Variants in RUSC2 observed in about 807,000 individuals in gnomAD.
The protein encoded by RUSC2 is AP-4 complex accessory subunit RUSC2.
In RUSC2, 34 loss-of-function variants were observed where a neutral mutation model predicts 122.2. That is an observed-to-expected ratio of 0.28 (90% CI 0.21 to 0.37). The LOEUF is 0.37. RUSC2 is among the 10% of genes least tolerant of loss of function. The probability of loss-of-function intolerance (pLI) is 1.00; values close to 1 mark genes in which losing one functional copy is unlikely to be tolerated. For synonymous variants in RUSC2, 784 were observed against 790.0 expected, an observed-to-expected ratio of 0.99 and a Z score of 0.13; for missense variants, 1,747 against 1,952.4, an observed-to-expected ratio of 0.89 and a Z score of 1.98.
At position 35,548,501 on chromosome 9, in the gene RUSC2, C is replaced by G. The variant is rs1200766718; in HGVS notation, c.1980C>G (p.Ser660Arg). The G allele has an allele frequency of 6.2e-7, 1 of 1,613,272 alleles. No homozygotes were observed. The highest frequency in any genetic ancestry group is 8.5e-7 in the Non-Finnish European group (1 of 1,179,890). The change falls in exon 2 of 12, where the codon AGC becomes AGG. Residue 660 changes from serine to arginine, a missense_variant. Ser to Arg is a moderately radical substitution (Grantham distance 110). Transcript: ENST00000361226. This position sits in a 1 kb window ranked among gnomAD's most constrained non-coding sequence, Gnocchi z 4.5. ...CTCTCCCAGGGAGCCCAGCCAACAG[C>G]CATACCCAGAGGGATGCAAGAGCTA... Reference protein sequence around the residue: ...GPALPGSPANSHTQRDARARA... With the variant: ...GPALPGSPANRHTQRDARARA...
intron 1 of RUSC2, among the ~76,000 whole-genome samples, chr9:35,517,776 G>A (rs1821137548): frequency 6.6e-6 from 1 of 152,202 alleles, no homozygotes; most frequent in African/African-American, 2.4e-5. Flanking sequence ...CACAGGAGAA[G>A]GCCAGGGCGC....
chr9:35,491,979 A>G (rs1820576939), intron 1 of RUSC2, among the ~76,000 whole-genome samples: 1 of 152,062 alleles, frequency 6.6e-6, no homozygotes, highest in South Asian at 2.1e-4. Flanking sequence ...TCTCAAAATA[A>G]AGCCTTGGAT....
At chr9:35,502,715 A>T (rs1185819507) in intron 1 of RUSC2, among the ~76,000 whole-genome samples, 1 of 152,232 alleles carries the variant, frequency 6.6e-6, no homozygotes, top group East Asian at 1.9e-4. Context: ...TAGCAGTTGT[A>T]TAAGAAATCT....
At chr9:35,544,458 C>T (rs967211700) in intron 1 of RUSC2, among the ~76,000 whole-genome samples, 5 of 152,048 alleles carry the variant, frequency 3.3e-5, no homozygotes, top group Non-Finnish European at 7.4e-5. Flanking sequence ...CAGGCATGCA[C>T]TACCACGCCC....
In RUSC2 at chr9:35,556,368, C is replaced by T. The variant is rs138981588; in HGVS notation, c.2903C>T (p.Thr968Met). The change falls in exon 5 of 12, where the codon ACG becomes ATG. Residue 968 changes from threonine to methionine, a missense_variant. Coordinates refer to ENST00000361226, the MANE Select transcript of RUSC2 (RefSeq NM_014806.5). Reference sequence around the variant, plus strand: ...GACTTCCAGGACCCCTTTTCCTTGACGGAGAAGCCTCCAGCTGAGTTTTGT... The same window carrying T: ...GACTTCCAGGACCCCTTTTCCTTGATGGAGAAGCCTCCAGCTGAGTTTTGT... ...CPDFQDPFSL[T>M]EKPPAEFCLS... 992 of 1,614,228 alleles carry T rather than the reference C, an allele frequency of 6.1e-4. 5 individuals carry two copies. In the East Asian group the frequency reaches 0.016, roughly 26 times the overall value.
intron 1 of RUSC2, among the ~76,000 whole-genome samples, chr9:35,491,279 A>G (rs1480516551): frequency 2.6e-5 from 4 of 152,192 alleles, no homozygotes; most frequent in Non-Finnish European, 5.9e-5. Context: ...ATAAGGTAGA[A>G]AGTAGTTACC....
Position 35,558,553 on chromosome 9 carries a change from C to A in RUSC2, c.3327C>A (p.Ile1109=). 1 of 1,613,870 alleles carries A rather than the reference C, an allele frequency of 6.2e-7. No homozygotes were observed. The highest frequency in any genetic ancestry group is 8.5e-7 in the Non-Finnish European group (1 of 1,179,744). ...TSHTMRFNAF[I]LGLLNIRSLE... ...ATACCATGCGCTTCAACGCCTTCAT[C>A]CTCGGCCTGCTCAAGTGAGTGCACA... The change falls in exon 8 of 12, where the codon ATC becomes ATA. Residue 1109 remains isoleucine (I), a synonymous_variant. Coordinates refer to ENST00000361226, the MANE Select transcript of RUSC2 (RefSeq NM_014806.5). This position sits in a 1 kb window ranked among gnomAD's most constrained non-coding sequence, Gnocchi z 4.3.
chr9:35,507,547 A>G (rs1820936787), intron 1 of RUSC2: 1 of 202,522 alleles, frequency 4.9e-6, no homozygotes. Context: ...TTACCAGCTG[A>G]CAGCACTCCA....
intron 5 of RUSC2, 36 bp downstream of exon 5, chr9:35,556,484 C>A (rs761046367): frequency 3.0e-5 from 48 of 1,601,050 alleles, no homozygotes; most frequent in Non-Finnish European, 3.8e-5. Context: ...AGGGACTCTG[C>A]TGTCACTACC....
At chr9:35,495,083 T>TAC (rs1162559396) in intron 1 of RUSC2, among the ~76,000 whole-genome samples, 1 of 81,684 alleles carries the variant, frequency 1.2e-5, no homozygotes, top group Non-Finnish European at 2.1e-5. Flanking sequence ...ATATATAGTA[T>TAC]ATATTATATA....
chr9:35,534,164 A>G lies in RUSC2; in HGVS notation c.-92-12266A>G, dbSNP rs1191796030. On this transcript the variant is annotated intron_variant, in intron 1 of 11. Transcript: ENST00000361226. ...TATTTTAGCCATTCTAGTGGGGTCA[A>G]GTAGTATCTCACTTTAGTTTTGATT... Among the ~76,000 whole-genome samples, 6 of 152,182 alleles carry G rather than the reference A, an allele frequency of 3.9e-5. No individual in the cohort carries two copies. The East Asian group carries it at 9.6e-4, about 24-fold the overall frequency.
At chr9:35,508,907 GAA>G (rs1343351679) in intron 1 of RUSC2, among the ~76,000 whole-genome samples, 1 of 152,142 alleles carries the variant, frequency 6.6e-6, no homozygotes, top group Non-Finnish European at 1.5e-5. Context: ...TCTACAAATT[GAA>G]AGAGTCCACT....
intron 1 of RUSC2, among the ~76,000 whole-genome samples, chr9:35,530,176 C>T (rs1218442757): frequency 6.6e-6 from 1 of 152,150 alleles, no homozygotes; most frequent in Non-Finnish European, 1.5e-5. Flanking sequence ...GGTATCAACT[C>T]ATAAGCTCAA....
intron 1 of RUSC2, among the ~76,000 whole-genome samples, chr9:35,536,665 T>TA (rs1377668089): frequency 1.3e-5 from 2 of 151,926 alleles, no homozygotes; most frequent in Non-Finnish European, 2.9e-5. Flanking sequence ...GTAAAAAACT[T>TA]AGCCGGGGCA....
intron 1 of RUSC2, among the ~76,000 whole-genome samples, chr9:35,542,870 A>G (rs765573185): frequency 8.5e-5 from 13 of 152,206 alleles, no homozygotes; most frequent in Non-Finnish European, 1.8e-4. Flanking sequence ...ATATTAATGC[A>G]TGTATGTCCT....
rs755270071 is a variant in RUSC2, at chr9:35,547,504, C to G, written c.983C>G (p.Pro328Arg). The change falls in exon 2 of 12, where the codon CCA (proline) becomes CGA (arginine). Residue 328 changes from proline (P) to arginine (R), a missense_variant. Physicochemically the swap from Pro to Arg is moderately radical, Grantham distance 103. Coordinates refer to ENST00000361226, the MANE Select transcript of RUSC2 (RefSeq NM_014806.5). The surrounding 1 kb of genome is among the most constrained non-coding windows in gnomAD (Gnocchi z 4.6). Reference sequence around the variant, plus strand: ...TTCTATCTGGATCTGCAGCCCTCCCCATTTGAGTCTAAGATGTCTTATGAG... The same window carrying G: ...TTCTATCTGGATCTGCAGCCCTCCCGATTTGAGTCTAAGATGTCTTATGAG... ...GAFYLDLQPS[P>R]FESKMSYESH... The G allele has an allele frequency of 6.2e-7, 1 of 1,614,142 alleles. No individual in the cohort carries two copies. Among genetic ancestry groups the G allele is most frequent in the Non-Finnish European group, 8.5e-7 (1 of 1,180,042 alleles).
intron 1 of RUSC2, 41 bp downstream of exon 1, chr9:35,490,213 C>T (rs1201690058): frequency 6.5e-6 from 1 of 152,694 alleles, no homozygotes; most frequent in Non-Finnish European, 1.5e-5. Context: ...TCCCACAGAC[C>T]CACTGCCCCG....
At position 35,546,867 on chromosome 9, in the gene RUSC2, G is replaced by A. The variant is rs748980689; in HGVS notation, c.346G>A (p.Asp116Asn). The A allele has an allele frequency of 6.2e-7, 1 of 1,603,962 alleles. No homozygotes were observed. Among genetic ancestry groups the A allele is most frequent in the Non-Finnish European group, 8.5e-7 (1 of 1,175,330 alleles). ...QEGVGEPGLG[D>N]LYDDSIGDSA... is the part of the protein sequence containing the mutation. ...GGGTGTGGGTGAGCCAGGACTTGGTGACCTGTATGATGACAGCATTGGTGA... is the reference window on the plus strand; with the variant it reads ...GGGTGTGGGTGAGCCAGGACTTGGTAACCTGTATGATGACAGCATTGGTGA... Residue 116 changes from aspartate to asparagine, a missense_variant, in exon 2 of 12, where the codon GAC becomes AAC. Asp to Asn is a conservative substitution (Grantham distance 23). Transcript: ENST00000361226. This position sits in a 1 kb window ranked among gnomAD's most constrained non-coding sequence, Gnocchi z 4.3.
chr9:35,530,914 C>G (rs1318162097), intron 1 of RUSC2, among the ~76,000 whole-genome samples: 2 of 151,880 alleles, frequency 1.3e-5, no homozygotes, highest in Non-Finnish European at 2.9e-5. Context: ...GCTGGGATTA[C>G]AGGTGTGAGC....
Sources: allele counts gnomAD v4.1 joint callset (sites outside exome capture counted in the v4.1 genomes callset), GRCh38; gene constraint gnomAD v4.1.1; non-coding constraint Gnocchi (gnomAD v3.1); transcripts MANE v1.5; gene names NCBI Gene and HGNC (gene_info 2026-07-23, HGNC 2026-07-21).